Variants in ATIC observed in about 807,000 individuals in gnomAD.
ATIC encodes bifunctional purine biosynthesis protein ATIC.
A neutral mutation model predicts 72.5 loss-of-function variants in ATIC; 64 were observed. The observed-to-expected ratio is 0.88, with a 90% CI of 0.72 to 1.09. ATIC has a LOEUF of 1.09. Ranked by LOEUF, ATIC falls within the 50% of genes least tolerant of loss-of-function variation. The probability of loss-of-function intolerance (pLI) is 0.00; values close to 1 mark genes in which losing one functional copy is unlikely to be tolerated. For missense variants in ATIC, 787 were observed against 732.4 expected (o/e 1.07, Z -0.86); for synonymous variants, 281 against 267.1 (o/e 1.05, Z -0.51).
At chr2:215,347,009 T>C in intron 14 of ATIC, 68 bp downstream of exon 14, 2 of 1,544,734 alleles carry the variant, frequency 1.3e-6, no homozygotes, top group South Asian at 1.1e-5. Flanking sequence ...TGTAACAGAT[T>C]TTAACTTCAT....
chr2:215,341,862 C>T (rs761578777), intron 12 of ATIC, among the ~76,000 whole-genome samples: 2 of 152,098 alleles, frequency 1.3e-5, no homozygotes, highest in Non-Finnish European at 2.9e-5. Flanking sequence ...ATTCCTGAGA[C>T]TGGGCAATTT....
chr2:215,332,559 CT>C, intron 8 of ATIC, 52 bp downstream of exon 8: 2 of 1,600,366 alleles, frequency 1.2e-6, no homozygotes, highest in Non-Finnish European at 1.7e-6. Context: ...GGCATTTCTT[CT>C]TAAATTTTTT....
chr2:215,321,257 T>G (rs1302736619), intron 4 of ATIC, among the ~76,000 whole-genome samples: 1 of 152,202 alleles, frequency 6.6e-6, no homozygotes, highest in Non-Finnish European at 1.5e-5. Context: ...GTTCCTGGCT[T>G]CTTTCACTTA....
At chr2:215,325,068 C>A (rs2052807950) in intron 4 of ATIC, 173 bp from the exon 5 acceptor site, 2 of 590,042 alleles carry the variant, frequency 3.4e-6, no homozygotes, top group East Asian at 3.0e-5. Flanking sequence ...AGCAGGACAC[C>A]CTGACTTTTT....
chr2:215,317,600 C>G (rs1261817882), intron 2 of ATIC, among the ~76,000 whole-genome samples: 2 of 152,118 alleles, frequency 1.3e-5, no homozygotes, highest in Non-Finnish European at 2.9e-5. Context: ...ATTCTCCTGC[C>G]TCAGCCTCCC....
chr2:215,354,339 A>T (rs941249662), downstream of ATIC, among the ~76,000 whole-genome samples: 3 of 151,844 alleles, frequency 2.0e-5, no homozygotes, highest in African/African-American at 4.8e-5. Flanking sequence ...CAGGAAACTA[A>T]TTTTTTCCTG....
At chr2:215,347,816 A>G (rs1024058568) in intron 14 of ATIC, among the ~76,000 whole-genome samples, 6 of 152,208 alleles carry the variant, frequency 3.9e-5, no homozygotes, top group East Asian at 1.9e-4. Context: ...AACATGACCC[A>G]AGATAGAAGC....
the ATIC span, among the ~76,000 whole-genome samples, chr2:215,365,310 T>C: frequency 0.013 from 1,981 of 152,268 alleles, 13 homozygotes; most frequent in Middle Eastern, 0.017. Context: ...TGCTAAAGTG[T>C]CCTGTAATAA....
chr2:215,324,255 A>G (rs2052799112), intron 4 of ATIC, among the ~76,000 whole-genome samples: 1 of 152,144 alleles, frequency 6.6e-6, no homozygotes, highest in Non-Finnish European at 1.5e-5. Context: ...ATCAAGTATG[A>G]TGTTAGCTGT....
the ATIC span, among the ~76,000 whole-genome samples, chr2:215,360,134 C>T: frequency 1.1e-3 from 162 of 152,282 alleles, 1 homozygote; most frequent in African/African-American, 3.8e-3. Context: ...GACAAGGTTT[C>T]ACCATGTTGG....
intron 8 of ATIC, 27 bp downstream of exon 8, chr2:215,332,534 C>T: frequency 1.2e-6 from 2 of 1,612,118 alleles, no homozygotes; most frequent in South Asian, 1.1e-5. Flanking sequence ...TGGAAAGCTC[C>T]AGAATTGTTC....
At chr2:215,345,092 T>G (rs994588989) in intron 13 of ATIC, 7 of 594,892 alleles carry the variant, frequency 1.2e-5, no homozygotes, top group African/African-American at 1.8e-5. Context: ...TTGTGCTGCT[T>G]CTTGCCTTGA....
At chr2:215,336,409 G>A (rs2052955625) in intron 11 of ATIC, among the ~76,000 whole-genome samples, 1 of 152,172 alleles carries the variant, frequency 6.6e-6, no homozygotes, top group African/African-American at 2.4e-5. Flanking sequence ...AAGAATTGGA[G>A]GCTGTATTGT....
At chr2:215,357,560 G>A in the ATIC span, among the ~76,000 whole-genome samples, 4 of 152,254 alleles carry the variant, frequency 2.6e-5, no homozygotes, top group Admixed American at 2.6e-4. Context: ...TGTTAAAAAA[G>A]GAATTTCCCA....
chr2:215,368,165 T>A, the ATIC span: 4 of 944,438 alleles, frequency 4.2e-6, no homozygotes, highest in African/African-American at 1.6e-5. Context: ...ATTCATCTGT[T>A]CTATCAAGGC....
At chr2:215,364,648 C>T in the ATIC span, 1 of 586,952 alleles carries the variant, frequency 1.7e-6, no homozygotes, top group Non-Finnish European at 3.1e-6. Context: ...TGGTACTCTA[C>T]ATGCCATTCA....
At position 215,347,789 on chromosome 2, in the gene ATIC, A is replaced by G. The variant is rs922036645; in HGVS notation, c.1503+848A>G. On this transcript the variant is annotated intron_variant, in intron 14 of 15. Transcript: ENST00000236959. ...GAGTCCTGGAAGTGAACAAGAATAA[A>G]AGTATGTCAAAGCTAAAACATGACC... 4 of 399,292 alleles carry G rather than the reference A, an allele frequency of 1.0e-5. No individual in the cohort carries two copies. In the Admixed American group the frequency reaches 1.4e-4, roughly 13 times the overall value. The allele number at this position is 399,292 out of a possible 1,614,324, so 24.7% of individuals were successfully genotyped here. A position where few individuals can be genotyped will look rare whatever the true frequency, so the allele number is the denominator to read the frequency against.
Position 215,325,296 on chromosome 2 carries a change from A to G in ATIC, c.346A>G (p.Thr116Ala). The change falls in exon 5 of 16, where the codon ACT becomes GCT. Residue 116 changes from threonine (T) to alanine (A), a missense_variant. Physicochemically the swap from Thr to Ala is moderately conservative, Grantham distance 58. Transcript: ENST00000236959. ...FVKTVASPGV[T>A]VEEAVEQIDI... ...AAAGACAGTGGCTTCTCCAGGTGTA[A>G]CTGTTGAGGAGGCTGTGGAGCAAAT... is the stretch of plus-strand genomic sequence containing the variant. 6.2e-7 allele frequency: 1 copy of G among 1,613,942 alleles called. No individual in the cohort carries two copies. Among genetic ancestry groups the G allele is most frequent in the Non-Finnish European group, 8.5e-7 (1 of 1,179,834 alleles).
At chr2:215,365,957 C>T in the ATIC span, among the ~76,000 whole-genome samples, 3 of 147,690 alleles carry the variant, frequency 2.0e-5, no homozygotes, top group South Asian at 2.1e-4. Flanking sequence ...AGGCACTCCC[C>T]ACAGTGCTAT....
Sources: gnomAD v4.1 joint callset for allele counts (sites outside exome capture counted in the v4.1 genomes callset) on GRCh38, gnomAD v4.1.1 for gene constraint, MANE v1.5 for transcripts, NCBI Gene and HGNC (gene_info 2026-07-23, HGNC 2026-07-21) for gene names.